Variants in TRAM2 observed in about 807,000 individuals in gnomAD.
TRAM2 encodes the protein translocation associated membrane protein 2.
Under a neutral mutation model 51.0 loss-of-function variants are expected in TRAM2, and 12 were observed. That is an observed-to-expected ratio of 0.24 (90% CI 0.15 to 0.38). The LOEUF (loss-of-function observed/expected upper bound fraction) is 0.38, where lower values mean the gene tolerates loss of function less well. Ranked by LOEUF, TRAM2 falls within the 10% of genes least tolerant of loss-of-function variation. The probability of loss-of-function intolerance (pLI) is 1.00; values close to 1 mark genes in which losing one functional copy is unlikely to be tolerated. For missense variants in TRAM2, 361 were observed against 462.0 expected (o/e 0.78, Z 2.00); for synonymous variants, 175 against 179.4 (o/e 0.98, Z 0.20).
rs1172796225 is a variant in TRAM2 at position 52,576,977 on chromosome 6, C to T, written c.-62G>A. The T allele has an allele frequency of 3.0e-5, 46 of 1,515,552 alleles. 1 individual carries two copies. The South Asian group carries it at 3.6e-4, about 12-fold the overall frequency. 93.9% of individuals were successfully genotyped at this position (1,515,552 alleles called of 1,614,324 possible). On this transcript the variant is annotated 5_prime_UTR_variant, in exon 1 of 11. Transcript: ENST00000182527. ...CTGCGCTCACGAACCGCAGCGCAAACTTCTCCAGCACCGGCCCGGTCCGCC... is the reference window on the plus strand; with the variant it reads ...CTGCGCTCACGAACCGCAGCGCAAATTTCTCCAGCACCGGCCCGGTCCGCC...
intron 10 of TRAM2, 138 bp downstream of exon 10, chr6:52,504,453 C>T: frequency 6.9e-7 from 1 of 1,456,628 alleles, no homozygotes; most frequent in Non-Finnish European, 9.1e-7. Flanking sequence ...GAGCCCCAGC[C>T]CTGAGGTAAG....
intron 1 of TRAM2, among the ~76,000 whole-genome samples, chr6:52,537,423 T>C (rs1766994397): frequency 6.6e-6 from 1 of 152,152 alleles, no homozygotes; most frequent in Non-Finnish European, 1.5e-5. Flanking sequence ...TACTCACCAC[T>C]TCCTTTGGGG....
chr6:52,504,654 T>A lies in TRAM2; in HGVS notation c.976A>T (p.Ser326Cys), dbSNP rs1766310548. 1.2e-6 allele frequency: 2 copies of A among 1,613,734 alleles called. No individual in the cohort carries two copies. Among genetic ancestry groups the A allele is most frequent in the African/African-American group, 2.7e-5 (2 of 74,932 alleles). The change falls in exon 10 of 11, where the codon AGT (serine) becomes TGT (cysteine). Residue 326 changes from serine to cysteine, a missense_variant. Physicochemically the swap from Ser to Cys is moderately radical, Grantham distance 112 (BLOSUM62 -1). Transcript: ENST00000182527. ...RHWREYWNEQ[S>C]AKRRVPATPR... The stretch of plus-strand genomic sequence containing the variant: ...GTGGCTGGGACTCTCCGCTTTGCAC[T>A]CTGCTCATTCCAGTATTCCCGCCAG...
intron 1 of TRAM2, among the ~76,000 whole-genome samples, chr6:52,574,554 G>C (rs1036762808): frequency 6.6e-6 from 1 of 152,224 alleles, no homozygotes; most frequent in Admixed American, 6.5e-5. Flanking sequence ...AGGTCCTGTA[G>C]GTTCAAGGTG....
intron 1 of TRAM2, among the ~76,000 whole-genome samples, chr6:52,548,647 G>A (rs550661526): frequency 6.6e-6 from 1 of 152,292 alleles, no homozygotes; most frequent in African/African-American, 2.4e-5. Flanking sequence ...CCCAGAAGCG[G>A]GACTAGAATC....
chr6:52,543,809 G>A (rs184545951), intron 1 of TRAM2, among the ~76,000 whole-genome samples: 2 of 152,186 alleles, frequency 1.3e-5, no homozygotes, highest in East Asian at 3.8e-4. Flanking sequence ...GTGCCAGGGA[G>A]AATCATCCCC....
At chr6:52,554,793 G>A (rs1434804916) in intron 1 of TRAM2, among the ~76,000 whole-genome samples, 2 of 147,564 alleles carry the variant, frequency 1.4e-5, no homozygotes, top group East Asian at 3.9e-4. Flanking sequence ...TTAACAGAGG[G>A]TCTTGCTCTG....
chr6:52,541,589 T>C (rs537499143), intron 1 of TRAM2, among the ~76,000 whole-genome samples: 36 of 152,318 alleles, frequency 2.4e-4, no homozygotes, highest in East Asian at 1.9e-4. Context: ...GTATCACCTA[T>C]GTCTGACAGA....
Position 52,501,354 on chromosome 6 carries a change from T to TG in TRAM2, c.*1842dup, listed in dbSNP as rs1391663560. On this transcript the variant is annotated 3_prime_UTR_variant, in exon 11 of 11. Coordinates refer to ENST00000182527, the MANE Select transcript of TRAM2 (RefSeq NM_012288.4). ...TTACTGGGAAGCTAAAATTTATCTA[T>TG]GATGTAAGTGACTTGGAGAAGGGGA... 2.0e-5 allele frequency: 3 copies of TG among 152,274 alleles called. No individual in the cohort carries two copies. The East Asian group carries it at 5.8e-4, about 29-fold the overall frequency. 9.4% of individuals were successfully genotyped at this position (152,274 alleles called of 1,614,324 possible).
intron 1 of TRAM2, 132 bp downstream of exon 1, chr6:52,576,664 C>T (rs1767771495): frequency 2.4e-6 from 3 of 1,253,070 alleles, no homozygotes; most frequent in East Asian, 2.7e-5. Flanking sequence ...TGCACAAAGC[C>T]GGGGTGCAGA....
chr6:52,570,327 C>T (rs964538626), intron 1 of TRAM2, among the ~76,000 whole-genome samples: 1 of 152,172 alleles, frequency 6.6e-6, no homozygotes, highest in African/African-American at 2.4e-5. Context: ...AATAATTGTT[C>T]CAGGCAGAAA....
rs974837716 is a variant in TRAM2 at position 52,564,858 on chromosome 6, G to A, written c.120+11938C>T. 2.0e-5 allele frequency among the ~76,000 whole-genome samples: 3 copies of A among 152,184 alleles called. No homozygotes were observed. The East Asian group carries it at 5.8e-4, about 29-fold the overall frequency. On this transcript the variant is annotated intron_variant, in intron 1 of 10. Coordinates refer to ENST00000182527, the MANE Select transcript of TRAM2 (RefSeq NM_012288.4). The stretch of plus-strand genomic sequence containing the variant: ...TCAGGGCAGAGGGGCTGGAAAGCGC[G>A]TTCTGAGCAGGTGGTGCTTTTGCCA...
intron 10 of TRAM2, among the ~76,000 whole-genome samples, chr6:52,503,902 CCCAGCT>C (rs1766289062): frequency 2.0e-5 from 3 of 152,210 alleles, no homozygotes; most frequent in Admixed American, 2.0e-4. Flanking sequence ...CTGTGACACA[CCCAGCT>C]GCGCGCGTGT....
At chr6:52,550,808 TCCCA>T (rs1467916421) in intron 1 of TRAM2, among the ~76,000 whole-genome samples, 15 of 92,622 alleles carry the variant, frequency 1.6e-4, no homozygotes, top group Non-Finnish European at 3.6e-4. Flanking sequence ...TGCCTTGGCC[TCCCA>T]CCTGCCTTGG....
In TRAM2 at chr6:52,574,244, C is replaced by CT. The variant is rs370005233; in HGVS notation, c.120+2551dup. 4.9e-3 allele frequency among the ~76,000 whole-genome samples: 748 copies of CT among 152,280 alleles called. 10 individuals carry two copies. The highest frequency in any genetic ancestry group is 0.017 in the African/African-American group (695 of 41,556). ...ATGAGGCGTCTCCCCAGGCTTTACT[C>CT]TGAGTGTGAAGATGCCCACATTTGT... On this transcript the variant is annotated intron_variant, in intron 1 of 10. Transcript: ENST00000182527.
intron 1 of TRAM2, among the ~76,000 whole-genome samples, chr6:52,575,891 A>G (rs1384098981): frequency 6.6e-6 from 1 of 152,138 alleles, no homozygotes; most frequent in Non-Finnish European, 1.5e-5. Context: ...CCCACTTTTG[A>G]ATATCACATT....
At chr6:52,504,342 CCCT>C (rs1167207118) in intron 10 of TRAM2, among the ~76,000 whole-genome samples, 1 of 152,182 alleles carries the variant, frequency 6.6e-6, no homozygotes, top group Admixed American at 6.5e-5. Flanking sequence ...CCAGCCACTG[CCCT>C]GCCCCGTGGT....
chr6:52,544,532 T>C (rs1767163351), intron 1 of TRAM2, among the ~76,000 whole-genome samples: 2 of 152,160 alleles, frequency 1.3e-5, no homozygotes, highest in African/African-American at 4.8e-5. Flanking sequence ...CAGCAGTGCA[T>C]CCTCCTCCTG....
At chr6:52,551,727 G>C (rs1767312830) in intron 1 of TRAM2, among the ~76,000 whole-genome samples, 2 of 152,198 alleles carry the variant, frequency 1.3e-5, no homozygotes, top group South Asian at 4.1e-4. Flanking sequence ...AAGTGGGTGG[G>C]AGACAGAGGC....
Sources: gnomAD v4.1 joint callset for allele counts (sites outside exome capture counted in the v4.1 genomes callset) on GRCh38, gnomAD v4.1.1 for gene constraint, MANE v1.5 for transcripts, NCBI Gene and HGNC (gene_info 2026-07-23, HGNC 2026-07-21) for gene names.